FOXO1: variants seen among roughly 807,000 people sequenced by gnomAD.
The protein encoded by FOXO1 is forkhead box protein O1.
FOXO1 carries 6 observed loss-of-function variants against 44.1 expected under a neutral mutation model. The observed-to-expected ratio is 0.14, with a 90% CI of 0.07 to 0.27. FOXO1 has a LOEUF of 0.27. Among genes scored for constraint, FOXO1 ranks in the 10% least tolerant of loss-of-function variants. The pLI, the probability that FOXO1 is intolerant of heterozygous loss-of-function variation, is 1.00. For synonymous variants in FOXO1, 380 were observed against 362.7 expected (o/e 1.05, Z -0.54); for missense variants, 737 against 888.8 (o/e 0.83, Z 2.17).
chr13:40,637,289 A>G lies in FOXO1; in HGVS notation c.630+28294T>C, dbSNP rs78116170. On this transcript the variant is annotated intron_variant, in intron 1 of 2. Transcript: ENST00000379561. The stretch of plus-strand genomic sequence containing the variant: ...GAAACCCCGTCTCTACTAAAAATAC[A>G]AAAAATTAGCCGGGCATGGTGACAC... Among the ~76,000 whole-genome samples the G allele has an allele frequency of 9.0e-3, 1,366 of 152,006 alleles. 21 individuals are homozygous for G. The highest frequency in any genetic ancestry group is 0.031 in the African/African-American group (1,286 of 41,482).
chr13:40,655,676 G>A (rs530790516), intron 1 of FOXO1, among the ~76,000 whole-genome samples: 54 of 115,698 alleles, frequency 4.7e-4, no homozygotes, highest in South Asian at 1.4e-3. Context: ...TCTTGCTGTC[G>A]CCCAGGCTCA....
chr13:40,574,136 C>G (rs774772959), intron 1 of FOXO1, among the ~76,000 whole-genome samples: 3 of 152,162 alleles, frequency 2.0e-5, no homozygotes, highest in Non-Finnish European at 4.4e-5. Flanking sequence ...ATACTCTGCA[C>G]ATGTATCCCA....
At chr13:40,578,285 GC>G (rs1269882050) in intron 1 of FOXO1, among the ~76,000 whole-genome samples, 2 of 152,102 alleles carry the variant, frequency 1.3e-5, no homozygotes, top group African/African-American at 4.8e-5. Flanking sequence ...TGTCACTCAG[GC>G]TACAGTTCAT....
intron 1 of FOXO1, among the ~76,000 whole-genome samples, chr13:40,635,996 G>A (rs1346735392): frequency 6.6e-6 from 1 of 152,166 alleles, no homozygotes; most frequent in Non-Finnish European, 1.5e-5. Flanking sequence ...GATCACCTGA[G>A]GTCGGGAGTT....
chr13:40,585,880 C>T (rs560745874), intron 1 of FOXO1, among the ~76,000 whole-genome samples: 1 of 152,296 alleles, frequency 6.6e-6, no homozygotes, highest in South Asian at 2.1e-4. Context: ...TGATTTAGTA[C>T]GTAAGTTTAA....
intron 1 of FOXO1, among the ~76,000 whole-genome samples, chr13:40,576,429 G>A (rs1280697019): frequency 1.3e-5 from 2 of 152,184 alleles, no homozygotes; most frequent in East Asian, 1.9e-4. Flanking sequence ...TGCTGGGAAA[G>A]CAGAAAGATA....
chr13:40,560,482 C>G lies in FOXO1; in HGVS notation c.1009G>C (p.Asp337His). 1 of 1,614,146 alleles carries G rather than the reference C, an allele frequency of 6.2e-7. No individual in the cohort carries two copies. ...RLSPIMTEQD[D>H]LGEGDVHSMV... ...GAATGCACATCCCCTTCTCCAAGAT[C>G]ATCCTGTTCGGTCATAATGGGTGAG... Residue 337 changes from aspartate to histidine, a missense_variant, in exon 2 of 3, where the codon GAT (aspartate) becomes CAT (histidine). Coordinates refer to ENST00000379561, the MANE Select transcript of FOXO1 (RefSeq NM_002015.4). The surrounding 1 kb of genome is among the most constrained non-coding windows in gnomAD (Gnocchi z 5.1).
intron 1 of FOXO1, among the ~76,000 whole-genome samples, chr13:40,659,538 A>G (rs1389065072): frequency 6.6e-6 from 1 of 152,060 alleles, no homozygotes; most frequent in African/African-American, 2.4e-5. Flanking sequence ...TATTAAAGTA[A>G]TAAGTGAAGG....
intron 1 of FOXO1, chr13:40,618,735 A>C: frequency 4.8e-6 from 2 of 420,360 alleles, no homozygotes; most frequent in Non-Finnish European, 9.2e-6. Context: ...CAGGAATCTC[A>C]GGATGAATCA....
rs9566556 is a variant in FOXO1, at chr13:40,643,428, C to T, written c.630+22155G>A. Among the ~76,000 whole-genome samples, 163 of 151,728 alleles carry T rather than the reference C, an allele frequency of 1.1e-3. 4 individuals are homozygous for T. The East Asian group carries it at 0.02, about 18-fold the overall frequency. ...CACTCCAAATACAACCCACTGCAAA[C>T]TCTGGGTGTATTTCCTCCCGAGTAC... On this transcript the variant is annotated intron_variant, in intron 1 of 2. Coordinates refer to ENST00000379561, the MANE Select transcript of FOXO1 (RefSeq NM_002015.4).
At chr13:40,573,733 C>T in intron 1 of FOXO1, among the ~76,000 whole-genome samples, 1 of 152,178 alleles carries the variant, frequency 6.6e-6, no homozygotes, top group East Asian at 1.9e-4. Context: ...AAAAAAACCT[C>T]ACAGTTGCCT....
intron 1 of FOXO1, among the ~76,000 whole-genome samples, chr13:40,601,054 A>T (rs1203894730): frequency 2.0e-5 from 3 of 152,186 alleles, no homozygotes; most frequent in African/African-American, 7.2e-5. Flanking sequence ...ACCATCCCAC[A>T]GCCACAGATT....
At chr13:40,619,592 C>T in intron 1 of FOXO1, 1 of 1,508,518 alleles carries the variant, frequency 6.6e-7, no homozygotes, top group Non-Finnish European at 9.2e-7. Context: ...GATCATATTA[C>T]AAATAGGCAA....
intron 1 of FOXO1, among the ~76,000 whole-genome samples, chr13:40,588,560 T>G (rs1266002311): frequency 6.6e-6 from 1 of 152,166 alleles, no homozygotes; most frequent in Non-Finnish European, 1.5e-5. Flanking sequence ...GGGGGACATT[T>G]ACTCCAAGCC....
In FOXO1 at chr13:40,666,476, A is replaced by G; in HGVS notation, c.-264T>C. 1 of 354,458 alleles carries G rather than the reference A, an allele frequency of 2.8e-6. No individual in the cohort carries two copies. Among genetic ancestry groups the G allele is most frequent in the Non-Finnish European group, 5.1e-6 (1 of 196,858 alleles). 22.0% of individuals were successfully genotyped at this position (354,458 alleles called of 1,614,324 possible). On this transcript the variant is annotated 5_prime_UTR_variant, in exon 1 of 3. Transcript: ENST00000379561. ...CCGGCCAGAGCCGCCGGGCCGGGGC[A>G]GAGCCTGCGCCGCGCTCCAGCTGAC...
At chr13:40,614,801 C>T (rs1461907433) in intron 1 of FOXO1, among the ~76,000 whole-genome samples, 3 of 152,236 alleles carry the variant, frequency 2.0e-5, no homozygotes, top group Admixed American at 6.5e-5. Context: ...CTCAAATCCT[C>T]ATCCAGGGCC....
intron 1 of FOXO1, among the ~76,000 whole-genome samples, chr13:40,634,297 T>C (rs1009454997): frequency 5.3e-5 from 8 of 152,208 alleles, no homozygotes; most frequent in African/African-American, 1.7e-4. Flanking sequence ...ATTTAACTGG[T>C]TCATATCCAC....
rs144231048 is a variant in FOXO1 at position 40,559,094 on chromosome 13, A to T, written c.*15-60T>A. On this transcript the variant is annotated intron_variant, in intron 2 of 2. Coordinates refer to ENST00000379561, the MANE Select transcript of FOXO1 (RefSeq NM_002015.4). ...ACACACACAATGAAAATATAGCCAAATTAAAATCAATTCAACTTAACATGT... is the reference window on the plus strand; with the variant it reads ...ACACACACAATGAAAATATAGCCAATTTAAAATCAATTCAACTTAACATGT... The T allele has an allele frequency of 4.5e-3, 1,812 of 402,904 alleles. 8 individuals are homozygous for T. The highest frequency in any genetic ancestry group is 8.6e-3 in the Admixed American group (209 of 24,260). 25.0% of individuals were successfully genotyped at this position (402,904 alleles called of 1,614,324 possible).
rs1438151160 is a variant in FOXO1, at chr13:40,558,901, A to C, written c.*148T>G. On this transcript the variant is annotated 3_prime_UTR_variant, in exon 3 of 3. Transcript: ENST00000379561. ...TGTCTTTGCTGCCAAGTCTGACGAA[A>C]GGAAAAAAGGAGGGTTTTTTTTTTT... 2 of 395,668 alleles carry C rather than the reference A, an allele frequency of 5.1e-6. No homozygotes were observed. Among genetic ancestry groups the C allele is most frequent in the Non-Finnish European group, 8.9e-6 (2 of 225,670 alleles). 24.5% of individuals were successfully genotyped at this position (395,668 alleles called of 1,614,324 possible).
Sources: gnomAD v4.1 joint callset for allele counts (sites outside exome capture counted in the v4.1 genomes callset) on GRCh38, gnomAD v4.1.1 for gene constraint, Gnocchi (gnomAD v3.1) non-coding constraint, MANE v1.5 for transcripts, NCBI Gene and HGNC (gene_info 2026-07-23, HGNC 2026-07-21) for gene names.